DLG2: variants seen among roughly 807,000 people sequenced by gnomAD.
The protein encoded by DLG2 is discs large MAGUK scaffold protein 2.
DLG2 carries 45 observed loss-of-function variants against 132.5 expected under a neutral mutation model. The ratio of observed to expected loss-of-function variants is 0.34; its 90% confidence interval spans 0.27 to 0.44. The LOEUF (loss-of-function observed/expected upper bound fraction) is 0.44. Ranked by LOEUF, DLG2 falls within the 20% of genes least tolerant of loss-of-function variation. The probability of loss-of-function intolerance (pLI) is 1.00; values close to 1 mark genes in which losing one functional copy is unlikely to be tolerated. For missense variants in DLG2, 1,045 were observed against 1,196.9 expected, an observed-to-expected ratio of 0.87 and a Z score of 1.87; for synonymous variants, 424 against 419.6, an observed-to-expected ratio of 1.01 and a Z score of -0.13.
chr11:85,443,319 A>G (rs1278966371), intron 3 of DLG2, among the ~76,000 whole-genome samples: 2 of 152,164 alleles, frequency 1.3e-5, no homozygotes, highest in African/African-American at 4.8e-5. Flanking sequence ...TGTGACTTCA[A>G]CCTAAAACAC....
In DLG2 at chr11:83,466,709, T is replaced by A. The variant is rs750821127; in HGVS notation, c.2728A>T (p.Met910Leu). Reference protein sequence around the residue: ...FIKPRSLEPLMEMNKRLTEEQ... With the variant: ...FIKPRSLEPLLEMNKRLTEEQ... ...AGGCCTCCAATGCCCTCTACTCACA[T>A]AAGAGGTTCCAGAGACCTGGGTTTT... The change falls in exon 26 of 28, where the codon ATG (methionine) becomes TTG (leucine). Residue 910 changes from methionine (M) to leucine (L), a missense_variant and splice_region_variant. Transcript: ENST00000376104. 1 of 1,591,354 alleles carries A rather than the reference T, an allele frequency of 6.3e-7. No individual in the cohort carries two copies. The highest frequency in any genetic ancestry group is 8.6e-7 in the Non-Finnish European group (1 of 1,159,326).
chr11:84,617,126 C>T (rs947425483), intron 6 of DLG2, among the ~76,000 whole-genome samples: 3 of 151,912 alleles, frequency 2.0e-5, no homozygotes, highest in African/African-American at 7.3e-5. Flanking sequence ...TAATGCCATT[C>T]CTCCCTTAGC....
chr11:84,481,905 G>C (rs1266006408), intron 7 of DLG2, among the ~76,000 whole-genome samples: 1 of 152,082 alleles, frequency 6.6e-6, no homozygotes, highest in Non-Finnish European at 1.5e-5. Context: ...GATCAGACAG[G>C]GACTTCAACA....
chr11:84,269,287 C>T (rs1021740157), intron 7 of DLG2, among the ~76,000 whole-genome samples: 14 of 152,170 alleles, frequency 9.2e-5, no homozygotes, highest in Admixed American at 6.5e-4. Flanking sequence ...TAATTTCTGA[C>T]ACATAAAAGG....
intron 6 of DLG2, among the ~76,000 whole-genome samples, chr11:84,805,434 G>A (rs886597726): frequency 3.3e-5 from 5 of 152,098 alleles, no homozygotes; most frequent in South Asian, 2.1e-4. Context: ...TTAGATCTGC[G>A]TCTCCACCCA....
At chr11:84,280,362 G>A (rs1043047030) in intron 7 of DLG2, among the ~76,000 whole-genome samples, 4 of 150,866 alleles carry the variant, frequency 2.7e-5, no homozygotes, top group South Asian at 2.1e-4. Flanking sequence ...CCTGTATCCC[G>A]GGTTCAAGCA....
intron 8 of DLG2, among the ~76,000 whole-genome samples, chr11:84,237,596 G>C (rs2097174171): frequency 6.6e-6 from 1 of 152,164 alleles, no homozygotes; most frequent in African/African-American, 2.4e-5. Context: ...TTCCATTAAT[G>C]CTGTTCATGA....
At chr11:84,731,314 A>G (rs1227595665) in intron 6 of DLG2, among the ~76,000 whole-genome samples, 2 of 152,020 alleles carry the variant, frequency 1.3e-5, no homozygotes. Flanking sequence ...CAAGTTCGGG[A>G]TACAGTGGTT....
At chr11:85,523,704 T>C (rs533826535) in intron 3 of DLG2, among the ~76,000 whole-genome samples, 4 of 152,274 alleles carry the variant, frequency 2.6e-5, no homozygotes, top group Non-Finnish European at 5.9e-5. Context: ...AGAACTACCA[T>C]ACAATCCAGA....
chr11:84,779,891 C>A (rs1479017110), intron 6 of DLG2, among the ~76,000 whole-genome samples: 2 of 146,256 alleles, frequency 1.4e-5, no homozygotes, highest in Non-Finnish European at 3.0e-5. Context: ...AATCTCTCAA[C>A]AAAAAAAAAA....
rs572841052 is a variant in DLG2, at chr11:84,291,357, C to T, written c.520-40066G>A. ...TAGACTAAATGGGCAATGCGCAAAT[C>T]CTAACTATCTCAACTGACAGTACGC... On this transcript the variant is annotated intron_variant, in intron 7 of 27. Coordinates refer to ENST00000376104, the MANE Select transcript of DLG2 (RefSeq NM_001142699.3). Among the ~76,000 whole-genome samples, 110 of 152,190 alleles carry T rather than the reference C, an allele frequency of 7.2e-4. 1 individual carries two copies. The highest frequency in any genetic ancestry group is 2.6e-3 in the African/African-American group (109 of 41,524).
intron 3 of DLG2, among the ~76,000 whole-genome samples, chr11:85,424,280 C>G (rs2090547295): frequency 6.6e-6 from 1 of 152,266 alleles, no homozygotes; most frequent in Non-Finnish European, 1.5e-5. Context: ...CCAGGTACTG[C>G]AGGAGCAATC....
intron 7 of DLG2, among the ~76,000 whole-genome samples, chr11:84,305,425 G>A (rs2098205135): frequency 6.6e-6 from 1 of 152,146 alleles, no homozygotes. Flanking sequence ...ATTTGTATTT[G>A]ATAAAACGTC....
intron 15 of DLG2, among the ~76,000 whole-genome samples, chr11:83,927,177 G>A (rs1227937894): frequency 6.6e-6 from 1 of 152,070 alleles, no homozygotes; most frequent in Non-Finnish European, 1.5e-5. Flanking sequence ...CCATGTTTAT[G>A]TATTCATCCA....
At chr11:84,725,555 T>G (rs1479634791) in intron 6 of DLG2, among the ~76,000 whole-genome samples, 1 of 152,148 alleles carries the variant, frequency 6.6e-6, no homozygotes, top group Non-Finnish European at 1.5e-5. Context: ...TCAATGAGTT[T>G]ACAAACCAGT....
At chr11:84,565,705 G>T (rs555999341) in intron 6 of DLG2, among the ~76,000 whole-genome samples, 1 of 152,204 alleles carries the variant, frequency 6.6e-6, no homozygotes, top group African/African-American at 2.4e-5. Context: ...CAAAATTGGT[G>T]CTTATGAGAA....
intron 15 of DLG2, among the ~76,000 whole-genome samples, chr11:83,880,943 G>C (rs1207339921): frequency 1.3e-5 from 2 of 152,096 alleles, no homozygotes; most frequent in Non-Finnish European, 2.9e-5. Context: ...TTCTTTATGA[G>C]ATAGTTTCAA....
At chr11:83,510,305 G>A (rs910877044) in intron 21 of DLG2, among the ~76,000 whole-genome samples, 18 of 151,606 alleles carry the variant, frequency 1.2e-4, no homozygotes, top group Admixed American at 9.9e-4. Flanking sequence ...CTGACAGTGC[G>A]CTCTTTACCC....
chr11:83,786,578 G>T (rs1405042928), intron 18 of DLG2, 112 bp downstream of exon 18: 1 of 930,658 alleles, frequency 1.1e-6, no homozygotes. Context: ...ACTATAGGTA[G>T]GTTTACAAAA....
Sources: allele counts gnomAD v4.1 joint callset (sites outside exome capture counted in the v4.1 genomes callset), GRCh38; gene constraint gnomAD v4.1.1; transcripts MANE v1.5; gene names NCBI Gene and HGNC (gene_info 2026-07-23, HGNC 2026-07-21).